Variants in CACNA2D1 observed in about 807,000 individuals in gnomAD.
CACNA2D1 encodes the protein calcium voltage-gated channel auxiliary subunit alpha2delta 1.
CACNA2D1 carries 53 observed loss-of-function variants against 171.5 expected under a neutral mutation model. The ratio of observed to expected loss-of-function variants is 0.31; its 90% CI spans 0.25 to 0.39. CACNA2D1 has a LOEUF of 0.39. Ranked by LOEUF, CACNA2D1 falls within the 10% of genes least tolerant of loss-of-function variation. The pLI is 1.00. For missense variants in CACNA2D1, 903 were observed against 1,299.8 expected (o/e 0.69, Z 4.69); for synonymous variants, 442 against 443.1 (o/e 1.00, Z 0.03).
At chr7:81,958,863 G>A (rs750123358) in intron 38 of CACNA2D1, among the ~76,000 whole-genome samples, 2 of 151,870 alleles carry the variant, frequency 1.3e-5, no homozygotes, top group African/African-American at 2.4e-5. Flanking sequence ...ATTCACACTA[G>A]AACTCTGTAA....
intron 38 of CACNA2D1, among the ~76,000 whole-genome samples, chr7:81,955,978 ATATTTTTTTT>A (rs1391111530): frequency 5.9e-4 from 29 of 49,226 alleles, no homozygotes; most frequent in East Asian, 6.3e-4. Flanking sequence ...ATATATATAT[ATATTTTTTTT>A]TTTTTTTTTT....
At chr7:81,976,903 T>C (rs1344317463) in intron 24 of CACNA2D1, among the ~76,000 whole-genome samples, 1 of 152,182 alleles carries the variant, frequency 6.6e-6, no homozygotes, top group Non-Finnish European at 1.5e-5. Context: ...ATTGATTTTT[T>C]ATCCTGAGAC....
intron 34 of CACNA2D1, 50 bp from the exon 35 acceptor site, chr7:81,962,545 T>C: frequency 8.7e-7 from 1 of 1,154,208 alleles, no homozygotes; most frequent in Non-Finnish European, 1.3e-6. Context: ...AAAAATGTGT[T>C]TTTACATGTA....
chr7:82,335,047 C>A, intron 3 of CACNA2D1, 88 bp downstream of exon 3: 1 of 856,238 alleles, frequency 1.2e-6, no homozygotes, highest in South Asian at 1.3e-5. Flanking sequence ...AAGAAGAACG[C>A]ATACCAAAAC....
chr7:81,969,891 G>C lies in CACNA2D1; in HGVS notation c.2298C>G (p.Pro766=). 6.4e-7 allele frequency: 1 copy of C among 1,567,650 alleles called. No homozygotes were observed. The highest frequency in any genetic ancestry group is 1.1e-5 in the South Asian group (1 of 90,114). Residue 766 remains proline (P), a synonymous_variant, in exon 28 of 39, where the codon CCC becomes CCG. Coordinates refer to ENST00000356860, the MANE Select transcript of CACNA2D1 (RefSeq NM_000722.4). ...LDNDNYVFTA[P]YFNKSGPGAY... is the part of the protein sequence containing the mutation. ...CAAAGCAATACTTACTGTTAAAGTA[G>C]GGAGCAGTGAAAACATAGTTATCAT...
intron 3 of CACNA2D1, among the ~76,000 whole-genome samples, chr7:82,301,605 C>G (rs1231871974): frequency 6.6e-6 from 1 of 152,062 alleles, no homozygotes; most frequent in Non-Finnish European, 1.5e-5. Context: ...TTCCCACCAA[C>G]ATAGATGGTA....
rs149393260 is a variant in CACNA2D1, at chr7:82,269,941, A to G, written c.294+65194T>C. On this transcript the variant is annotated intron_variant, in intron 3 of 38. Transcript: ENST00000356860. ...AAAAATCATCTCTAAAATCACTCCA[A>G]TGTTTTTCTATGTTGTAACAGCAAG... Among the ~76,000 whole-genome samples, 31 of 152,266 alleles carry G rather than the reference A, an allele frequency of 2.0e-4. No individual in the cohort carries two copies. In the East Asian group the frequency reaches 4.6e-3, roughly 23 times the overall value.
intron 1 of CACNA2D1, among the ~76,000 whole-genome samples, chr7:82,396,287 T>C (rs1478697117): frequency 6.6e-6 from 1 of 152,022 alleles, no homozygotes; most frequent in African/African-American, 2.4e-5. Context: ...AGTTTGAGAC[T>C]AGCCTGGGCA....
rs953949931 is a variant in CACNA2D1, at chr7:82,443,652, G to T, written c.-193C>A. 3 of 1,287,966 alleles carry T rather than the reference G, an allele frequency of 2.3e-6. No homozygotes were observed. Among genetic ancestry groups the T allele is most frequent in the Non-Finnish European group, 2.0e-6 (2 of 1,025,604 alleles). 79.8% of individuals were successfully genotyped at this position (1,287,966 alleles called of 1,614,324 possible). ...CGGGAGCGGACGCCGAGGAAGGGGC[G>T]GTGGCGGGCGGACCCACTAGCGTGC... On this transcript the variant is annotated 5_prime_UTR_variant, in exon 1 of 39. Transcript: ENST00000356860.
At chr7:82,169,005 C>G (rs1795747862) in intron 4 of CACNA2D1, among the ~76,000 whole-genome samples, 1 of 151,998 alleles carries the variant, frequency 6.6e-6, no homozygotes, top group Admixed American at 6.6e-5. Flanking sequence ...AGCCATACAT[C>G]TATTATGACT....
chr7:82,000,115 T>C (rs914429230), intron 18 of CACNA2D1, among the ~76,000 whole-genome samples: 4 of 151,762 alleles, frequency 2.6e-5, no homozygotes, highest in African/African-American at 9.7e-5. Flanking sequence ...AAAAATTAGA[T>C]GGGCATGGTG....
chr7:82,276,565 T>A (rs1361504399), intron 3 of CACNA2D1, among the ~76,000 whole-genome samples: 3 of 152,164 alleles, frequency 2.0e-5, no homozygotes, highest in African/African-American at 7.2e-5. Flanking sequence ...TGGCTCTTAA[T>A]GTGATTTTAA....
At chr7:82,008,816 G>A (rs1411738572) in intron 15 of CACNA2D1, among the ~76,000 whole-genome samples, 1 of 152,050 alleles carries the variant, frequency 6.6e-6, no homozygotes, top group African/African-American at 2.4e-5. Context: ...AAATGTTGTG[G>A]TATCAGGTTG....
intron 6 of CACNA2D1, among the ~76,000 whole-genome samples, chr7:82,115,320 T>C (rs1217508136): frequency 6.6e-6 from 1 of 152,156 alleles, no homozygotes; most frequent in Non-Finnish European, 1.5e-5. Context: ...TAGCTTAGCA[T>C]TGTCTGAACA....
chr7:82,012,948 A>G (rs1799975609), intron 14 of CACNA2D1, among the ~76,000 whole-genome samples: 1 of 152,108 alleles, frequency 6.6e-6, no homozygotes, highest in Non-Finnish European at 1.5e-5. Context: ...AAGTTATTTA[A>G]CAGGCATGTT....
chr7:82,217,183 T>C (rs560703762), intron 3 of CACNA2D1, among the ~76,000 whole-genome samples: 26 of 151,892 alleles, frequency 1.7e-4, no homozygotes, highest in South Asian at 8.3e-4. Context: ...ACCTTTTTCC[T>C]GGACCCTTAA....
intron 3 of CACNA2D1, among the ~76,000 whole-genome samples, chr7:82,226,432 C>T (rs1167748084): frequency 6.6e-6 from 1 of 152,180 alleles, no homozygotes; most frequent in East Asian, 1.9e-4. Context: ...GGGATGAACA[C>T]TTTTCCTATT....
chr7:82,398,588 T>C (rs1045256350), intron 1 of CACNA2D1, among the ~76,000 whole-genome samples: 2 of 151,884 alleles, frequency 1.3e-5, no homozygotes, highest in African/African-American at 4.8e-5. Flanking sequence ...TCTCCTTTTT[T>C]TTTTTTTCAG....
chr7:82,087,915 G>T (rs921951395), intron 6 of CACNA2D1, among the ~76,000 whole-genome samples: 1 of 152,092 alleles, frequency 6.6e-6, no homozygotes, highest in Non-Finnish European at 1.5e-5. Context: ...ACAAGTTTAT[G>T]TCATTTCCTG....
Sources: gnomAD v4.1 joint callset for allele counts (sites outside exome capture counted in the v4.1 genomes callset) on GRCh38, gnomAD v4.1.1 for gene constraint, MANE v1.5 for transcripts, NCBI Gene and HGNC (gene_info 2026-07-23, HGNC 2026-07-21) for gene names.